The following MAP3K1 variants were observed in gnomAD, a reference collection of about 807,000 sequenced individuals.
MAP3K1 encodes the protein MAP/ERK kinase kinase 1.
Under a neutral mutation model 144.2 loss-of-function variants are expected in MAP3K1, and 36 were observed. The ratio of observed to expected loss-of-function variants is 0.25; its 90% CI spans 0.19 to 0.33. The LOEUF (loss-of-function observed/expected upper bound fraction) is 0.33. Among genes scored for constraint, MAP3K1 ranks in the 10% least tolerant of loss-of-function variants. MAP3K1 has a pLI of 1.00. For missense variants in MAP3K1, 1,650 were observed against 1,881.9 expected, an observed-to-expected ratio of 0.88 and a Z score of 2.28; for synonymous variants, 718 against 688.7, an observed-to-expected ratio of 1.04 and a Z score of -0.67.
intron 1 of MAP3K1, among the ~76,000 whole-genome samples, chr5:56,818,254 G>T (rs1746041518): frequency 6.6e-6 from 1 of 151,712 alleles, no homozygotes; most frequent in African/African-American, 2.4e-5. Context: ...TGTATATTTT[G>T]TATTGCATGT....
chr5:56,838,397 A>G (rs1338073082), intron 1 of MAP3K1, among the ~76,000 whole-genome samples: 1 of 152,208 alleles, frequency 6.6e-6, no homozygotes, highest in African/African-American at 2.4e-5. Context: ...AGTAAATGCA[A>G]TTATTTGGTT....
At chr5:56,854,103 T>A (rs986979531) in intron 1 of MAP3K1, among the ~76,000 whole-genome samples, 3 of 152,098 alleles carry the variant, frequency 2.0e-5, no homozygotes, top group African/African-American at 7.2e-5. Context: ...AGTCTTCATT[T>A]GTGTACATTT....
intron 15 of MAP3K1, 133 bp from the exon 16 acceptor site, chr5:56,884,531 G>C (rs1206956872): frequency 1.4e-5 from 11 of 798,546 alleles, no homozygotes; most frequent in Non-Finnish European, 1.9e-5. Flanking sequence ...ACTTGGGTTT[G>C]TTTAAAGTAC....
chr5:56,827,689 C>A (rs1178409877), intron 1 of MAP3K1, among the ~76,000 whole-genome samples: 1 of 151,992 alleles, frequency 6.6e-6, no homozygotes, highest in Admixed American at 6.6e-5. Flanking sequence ...CATGGTGAAA[C>A]CCCGTCTCTA....
intron 1 of MAP3K1, among the ~76,000 whole-genome samples, chr5:56,849,955 C>T (rs1028760131): frequency 1.3e-5 from 2 of 152,254 alleles, no homozygotes; most frequent in Admixed American, 6.5e-5. Flanking sequence ...TATCCTTTGT[C>T]TCATCTGTAA....
Position 56,881,068 on chromosome 5 carries a change from CT to C in MAP3K1, c.2180-12del. On this transcript the variant is annotated splice_polypyrimidine_tract_variant and intron_variant, in intron 12 of 19. Transcript: ENST00000399503. The stretch of plus-strand genomic sequence containing the variant: ...ACTATTTTTTAATCATTTATTTTTA[CT>C]TTCCTTTTTGTAGGATCCATTGGTA... The C allele has an allele frequency of 1.3e-6, 2 of 1,594,068 alleles. No homozygotes were observed. The highest frequency in any genetic ancestry group is 2.2e-5 in the East Asian group (1 of 44,636).
At position 56,815,609 on chromosome 5, in the gene MAP3K1, G is replaced by T. The variant is rs555957417; in HGVS notation, c.36G>T (p.Ser12=). 7.6e-7 allele frequency: 1 copy of T among 1,310,626 alleles called. No individual in the cohort carries two copies. Among genetic ancestry groups the T allele is most frequent in the Non-Finnish European group, 9.7e-7 (1 of 1,030,534 alleles). The allele number at this position is 1,310,626 out of a possible 1,614,324, so 81.2% of individuals were successfully genotyped here. ...CGGCGGGGAATCGCGCCTCGTCGTC[G>T]GGATTCCCGGGCGCCAGGGCTACGA... ...AAAAGNRASS[S]GFPGARATSP... Residue 12 remains serine (S), a synonymous_variant, in exon 1 of 20, where the codon TCG becomes TCT. Transcript: ENST00000399503.
chr5:56,857,124 ATCT>A (rs1045120530), intron 2 of MAP3K1, among the ~76,000 whole-genome samples: 2 of 152,126 alleles, frequency 1.3e-5, no homozygotes, highest in African/African-American at 2.4e-5. Flanking sequence ...AATTTCAGAA[ATCT>A]TCTAGGAAAG....
rs1443462555 is a variant in MAP3K1 at position 56,880,736 on chromosome 5, A to G, written c.2113A>G (p.Thr705Ala). 1 of 1,613,730 alleles carries G rather than the reference A, an allele frequency of 6.2e-7. No individual in the cohort carries two copies. ...CCGCACAAGTCAGCTGTCCATATCA[A>G]CACTGTTGGAACTGTGCAAAGGCCA... ...NSRTSQLSIS[T>A]LLELCKGQAG... Residue 705 changes from threonine to alanine, a missense_variant, in exon 12 of 20, where the codon ACA (threonine) becomes GCA (alanine). This residue lies in a region of MAP3K1 where 841 missense variants were observed against 886.5 expected (regional missense o/e 0.95). Transcript: ENST00000399503.
intron 6 of MAP3K1, among the ~76,000 whole-genome samples, chr5:56,871,301 G>T (rs1050759806): frequency 5.9e-5 from 9 of 151,808 alleles, no homozygotes; most frequent in African/African-American, 2.2e-4. Flanking sequence ...ATTTCTTTTC[G>T]TTATTCTAAA....
chr5:56,873,119 T>C, intron 9 of MAP3K1, 114 bp downstream of exon 9: 1 of 909,308 alleles, frequency 1.1e-6, no homozygotes, highest in Non-Finnish European at 1.7e-6. Context: ...CTTGCCTCCA[T>C]CATGACCTTC....
chr5:56,864,625 G>A (rs1179352414), intron 3 of MAP3K1, 109 bp from the exon 4 acceptor site: 20 of 1,131,134 alleles, frequency 1.8e-5, no homozygotes, highest in African/African-American at 7.7e-5. Flanking sequence ...CGCCCTCCTC[G>A]GCCTCCCAAA....
intron 6 of MAP3K1, among the ~76,000 whole-genome samples, chr5:56,866,419 G>GTGTA (rs201986298): frequency 2.6e-5 from 4 of 152,054 alleles, no homozygotes; most frequent in Middle Eastern, 3.2e-3. Flanking sequence ...ATGTGGGTGT[G>GTGTA]TGTATGTATG....
intron 19 of MAP3K1, among the ~76,000 whole-genome samples, chr5:56,888,680 AC>A (rs1486263863): frequency 6.6e-6 from 1 of 152,028 alleles, no homozygotes; most frequent in Non-Finnish European, 1.5e-5. Flanking sequence ...AACAACCAAT[AC>A]TCTATAGTGG....
At chr5:56,866,179 A>G (rs1747665409) in intron 6 of MAP3K1, among the ~76,000 whole-genome samples, 1 of 152,158 alleles carries the variant, frequency 6.6e-6, no homozygotes, top group African/African-American at 2.4e-5. Flanking sequence ...TTGGGAGACT[A>G]AGGCAGAAGG....
At chr5:56,835,780 G>A (rs993601812) in intron 1 of MAP3K1, among the ~76,000 whole-genome samples, 10 of 151,980 alleles carry the variant, frequency 6.6e-5, no homozygotes, top group African/African-American at 2.4e-4. Flanking sequence ...TTTTATTTGT[G>A]GTTAAAGTAG....
At position 56,882,128 on chromosome 5, in the gene MAP3K1, C is replaced by T. The variant is rs2111943960; in HGVS notation, c.2928C>T (p.Ser976=). 6.2e-7 allele frequency: 1 copy of T among 1,614,066 alleles called. No homozygotes were observed. The highest frequency in any genetic ancestry group is 1.1e-5 in the South Asian group (1 of 91,076). ...CLNSSPLSHH[S]QLMFPALSTP... ...ACTCCTCTCCTTTATCTCATCATTC[C>T]CAATTAATGTTTCCAGCCTTGTCAA... is the stretch of plus-strand genomic sequence containing the variant. The change falls in exon 14 of 20, where the codon TCC becomes TCT. Residue 976 remains serine, a synonymous_variant. Coordinates refer to ENST00000399503, the MANE Select transcript of MAP3K1 (RefSeq NM_005921.2).
chr5:56,837,309 T>C (rs915439051), intron 1 of MAP3K1, among the ~76,000 whole-genome samples: 4 of 152,132 alleles, frequency 2.6e-5, no homozygotes, highest in Non-Finnish European at 5.9e-5. Flanking sequence ...ATTATAGACA[T>C]GGGTAAGTTC....
chr5:56,847,928 G>A (rs949439080), intron 1 of MAP3K1, among the ~76,000 whole-genome samples: 1 of 152,138 alleles, frequency 6.6e-6, no homozygotes, highest in Non-Finnish European at 1.5e-5. Flanking sequence ...AGTTTATTCA[G>A]TATTCAATAG....
Sources: allele counts gnomAD v4.1 joint callset (sites outside exome capture counted in the v4.1 genomes callset), GRCh38; gene constraint gnomAD v4.1.1; regional missense constraint gnomAD v4.1.1; transcripts MANE v1.5; gene names NCBI Gene and HGNC (gene_info 2026-07-23, HGNC 2026-07-21).